NRXN1: variants seen among roughly 807,000 people sequenced by gnomAD.
NRXN1 encodes neurexin 1.
Under a neutral mutation model 150.9 loss-of-function variants are expected in NRXN1, and 39 were observed. That is an observed-to-expected ratio of 0.26 (90% CI 0.20 to 0.34). The LOEUF is 0.34. NRXN1 is among the 10% of genes least tolerant of loss of function. NRXN1 has a pLI of 1.00. For synonymous variants in NRXN1, 924 were observed against 757.0 expected (o/e 1.22, Z -3.62); for missense variants, 1,815 against 1,949.9 (o/e 0.93, Z 1.30).
At chr2:50,711,490 C>T (rs1429350159) in intron 5 of NRXN1, among the ~76,000 whole-genome samples, 2 of 151,864 alleles carry the variant, frequency 1.3e-5, no homozygotes, top group Non-Finnish European at 2.9e-5. Context: ...CACATGTTAC[C>T]ACACCTGACT....
rs185796225 is a variant in NRXN1 at position 50,558,975 on chromosome 2, G to A, written c.1321-5950C>T. On this transcript the variant is annotated intron_variant, in intron 8 of 22. Coordinates refer to ENST00000401669, the MANE Select transcript of NRXN1 (RefSeq NM_001330078.2). ...CGGGCACCTGTAGTCCCAGCTACTT[G>A]GGAGGCTGAGGCAGGAGAAGGGTGT... 6.4e-3 allele frequency among the ~76,000 whole-genome samples: 979 copies of A among 152,200 alleles called. 4 individuals are homozygous for A. Among genetic ancestry groups the A allele is most frequent in the African/African-American group, 0.022 (904 of 41,526 alleles).
At chr2:50,696,223 CAT>C (rs1433539587) in intron 5 of NRXN1, 1 of 151,106 alleles carries the variant, frequency 6.6e-6, no homozygotes, top group African/African-American at 2.4e-5. Flanking sequence ...TATGTATACA[CAT>C]ATGCTATATA....
chr2:50,706,897 A>G (rs1694521747), intron 5 of NRXN1, among the ~76,000 whole-genome samples: 1 of 151,830 alleles, frequency 6.6e-6, no homozygotes, highest in African/African-American at 2.4e-5. Context: ...ATTGTTTAAC[A>G]TAAAGCCTTC....
intron 5 of NRXN1, among the ~76,000 whole-genome samples, chr2:50,787,969 T>C (rs1705372286): frequency 6.6e-6 from 1 of 152,148 alleles, no homozygotes; most frequent in Admixed American, 6.6e-5. Flanking sequence ...TTTTTGTATA[T>C]TGACCTATTG....
chr2:50,555,183 A>C (rs1285780565), intron 8 of NRXN1, among the ~76,000 whole-genome samples: 5 of 152,164 alleles, frequency 3.3e-5, no homozygotes, highest in Admixed American at 3.3e-4. Flanking sequence ...GATATTGATC[A>C]AGAATAAGTA....
chr2:51,004,883 A>G (rs1700518726), intron 2 of NRXN1, among the ~76,000 whole-genome samples: 1 of 151,970 alleles, frequency 6.6e-6, no homozygotes, highest in Admixed American at 6.6e-5. Flanking sequence ...AGATCAAAGG[A>G]ATGAAAAAAG....
At chr2:50,688,362 T>C (rs976202853) in intron 5 of NRXN1, among the ~76,000 whole-genome samples, 1 of 152,186 alleles carries the variant, frequency 6.6e-6, no homozygotes, top group African/African-American at 2.4e-5. Context: ...TTAATCTTCA[T>C]GGCCTAGCAA....
intron 17 of NRXN1, among the ~76,000 whole-genome samples, chr2:50,312,590 CCT>C: frequency 6.6e-6 from 1 of 152,028 alleles, no homozygotes; most frequent in African/African-American, 2.4e-5. Context: ...GTACTTCCAA[CCT>C]CTCTCTCTCC....
intron 17 of NRXN1, among the ~76,000 whole-genome samples, chr2:50,457,328 GA>G (rs1445812334): frequency 6.6e-6 from 1 of 152,020 alleles, no homozygotes; most frequent in Non-Finnish European, 1.5e-5. Context: ...TTTCTCTAGG[GA>G]ATTTTGCAGC....
chr2:50,329,795 T>TCCCGAGTA (rs199900194), intron 17 of NRXN1, among the ~76,000 whole-genome samples: 3,317 of 149,458 alleles, frequency 0.022, 96 homozygotes, highest in African/African-American at 0.078. Flanking sequence ...AGCCTCAGTC[T>TCCCGAGTA]CCCGAGTAGC....
chr2:50,785,808 G>C (rs932837500), intron 5 of NRXN1, among the ~76,000 whole-genome samples: 1 of 152,052 alleles, frequency 6.6e-6, no homozygotes, highest in Admixed American at 6.6e-5. Flanking sequence ...AGCATGTAAT[G>C]ATGGATTTCT....
At position 50,239,662 on chromosome 2, in the gene NRXN1, GTATATATATATATATATATATATATA is replaced by G. The variant is rs59505952; in HGVS notation, c.3365-2718_3365-2693del. 7.7e-3 allele frequency among the ~76,000 whole-genome samples: 365 copies of G among 47,294 alleles called. 7 individuals are homozygous for G. Among genetic ancestry groups the G allele is most frequent in the African/African-American group, 0.018 (309 of 17,128 alleles). The allele number at this position is 47,294 out of a possible 152,430, so 31.0% of individuals were successfully genotyped here. ...AACCCATATCCTGATACCTATTCCA[GTATATATATATATATATATATATATA>G]TATATATATATATATATATATATAT... On this transcript the variant is annotated intron_variant, in intron 17 of 22. Transcript: ENST00000401669.
intron 8 of NRXN1, among the ~76,000 whole-genome samples, chr2:50,554,007 A>T (rs922263882): frequency 5.3e-5 from 8 of 152,164 alleles, no homozygotes; most frequent in Non-Finnish European, 1.2e-4. Context: ...CACATTTCTA[A>T]AATACATAGA....
At chr2:49,963,805 A>G (rs1399767773) in intron 21 of NRXN1, among the ~76,000 whole-genome samples, 2 of 152,216 alleles carry the variant, frequency 1.3e-5, no homozygotes, top group African/African-American at 4.8e-5. Flanking sequence ...TCTCTTTCAG[A>G]ACCCATTAAT....
At chr2:50,574,277 C>T (rs561603046) in intron 8 of NRXN1, among the ~76,000 whole-genome samples, 38 of 152,088 alleles carry the variant, frequency 2.5e-4, no homozygotes, top group Non-Finnish European at 5.0e-4. Flanking sequence ...ATTTTACATT[C>T]ACTTAAATAT....
chr2:50,104,090 A>ATAAGG (rs1298467834), intron 18 of NRXN1, among the ~76,000 whole-genome samples: 1 of 152,020 alleles, frequency 6.6e-6, no homozygotes, highest in Non-Finnish European at 1.5e-5. Context: ...AATCTGCTGA[A>ATAAGG]TAAGGGATAG....
chr2:50,995,495 C>CTG (rs1699134118), intron 2 of NRXN1, among the ~76,000 whole-genome samples: 1 of 151,338 alleles, frequency 6.6e-6, no homozygotes, highest in South Asian at 2.1e-4. Context: ...GTCCCAACTA[C>CTG]TGTGGAGCCT....
chr2:50,226,452 G>A (rs2064386143), intron 18 of NRXN1, among the ~76,000 whole-genome samples: 1 of 151,952 alleles, frequency 6.6e-6, no homozygotes, highest in Non-Finnish European at 1.5e-5. Context: ...TAGTGCTTTG[G>A]AAAGTGCTTA....
At chr2:50,364,536 A>T (rs575400525) in intron 17 of NRXN1, among the ~76,000 whole-genome samples, 2 of 152,222 alleles carry the variant, frequency 1.3e-5, no homozygotes, top group Admixed American at 1.3e-4. Flanking sequence ...TTAATTTCCC[A>T]TTTTATGTTC....
Sources: gnomAD v4.1 joint callset for allele counts (sites outside exome capture counted in the v4.1 genomes callset) on GRCh38, gnomAD v4.1.1 for gene constraint, MANE v1.5 for transcripts, NCBI Gene and HGNC (gene_info 2026-07-23, HGNC 2026-07-21) for gene names.